SRP54: variants seen among roughly 807,000 people sequenced by gnomAD.
SRP54 encodes the protein signal recognition particle 54, also known as signal recognition particle subunit SRP54.
Under a neutral mutation model 64.8 loss-of-function variants are expected in SRP54, and 10 were observed. The observed-to-expected ratio is 0.15, with a 90% CI of 0.10 to 0.26. The LOEUF (loss-of-function observed/expected upper bound fraction) is 0.26. Among genes scored for constraint, SRP54 ranks in the 10% least tolerant of loss-of-function variants. The probability of loss-of-function intolerance (pLI) is 1.00; values close to 1 mark genes in which losing one functional copy is unlikely to be tolerated. For synonymous variants in SRP54, 193 were observed against 185.6 expected (o/e 1.04, Z -0.32); for missense variants, 325 against 613.7 (o/e 0.53, Z 4.97).
intron 14 of SRP54, among the ~76,000 whole-genome samples, chr14:35,026,542 T>A (rs1174073885): frequency 6.6e-6 from 1 of 152,180 alleles, no homozygotes; most frequent in Non-Finnish European, 1.5e-5. Flanking sequence ...GCTGCATCTC[T>A]TTCATTGACT....
intron 5 of SRP54, among the ~76,000 whole-genome samples, chr14:35,008,059 A>T (rs1279721785): frequency 1.3e-5 from 2 of 151,630 alleles, no homozygotes; most frequent in East Asian, 3.9e-4. Flanking sequence ...ATGGCTCAGG[A>T]CTCCTTTTTC....
chr14:34,999,379 G>A (rs1012307283), intron 2 of SRP54, among the ~76,000 whole-genome samples, 179 bp from the exon 3 acceptor site: 1 of 151,980 alleles, frequency 6.6e-6, no homozygotes, highest in African/African-American at 2.4e-5. Context: ...ACTAAATGGG[G>A]TCTCTTATTT....
intron 1 of SRP54, among the ~76,000 whole-genome samples, chr14:34,990,179 C>T (rs1288020022): frequency 1.3e-5 from 2 of 152,212 alleles, no homozygotes; most frequent in Non-Finnish European, 2.9e-5. Flanking sequence ...GAGCCAGGAT[C>T]AGTCCTTGTA....
chr14:35,014,284 T>TG (rs1277627223), intron 10 of SRP54, among the ~76,000 whole-genome samples: 8 of 134,980 alleles, frequency 5.9e-5, no homozygotes, highest in African/African-American at 1.1e-4. Flanking sequence ...ACTTTTTTTT[T>TG]TTTTTTTTTT....
At chr14:35,027,915 A>G (rs2044659550) in intron 14 of SRP54, 173 bp from the exon 15 acceptor site, 2 of 395,740 alleles carry the variant, frequency 5.1e-6, no homozygotes, top group Non-Finnish European at 8.9e-6. Context: ...TATGTAATTG[A>G]GAAAAAGATT....
chr14:34,996,836 C>G, intron 2 of SRP54, 49 bp downstream of exon 2: 2 of 1,299,882 alleles, frequency 1.5e-6, no homozygotes, highest in South Asian at 2.4e-5. Context: ...TTGTCACTAG[C>G]ATTGGGAAGA....
chr14:35,013,947 A>G, intron 10 of SRP54, 45 bp downstream of exon 10: 1 of 1,327,158 alleles, frequency 7.5e-7, no homozygotes, highest in Non-Finnish European at 1.1e-6. Flanking sequence ...AAGAAATACG[A>G]TGTATCTTTA....
chr14:34,993,431 A>G (rs978576658), intron 1 of SRP54: 2 of 152,218 alleles, frequency 1.3e-5, no homozygotes, highest in Non-Finnish European at 2.9e-5. Flanking sequence ...GTAATTGTAA[A>G]AAAATCTTAT....
At chr14:35,002,589 C>G (rs1008069039) in intron 4 of SRP54, among the ~76,000 whole-genome samples, 2 of 151,710 alleles carry the variant, frequency 1.3e-5, no homozygotes, top group Non-Finnish European at 2.9e-5. Flanking sequence ...TGTGCCACCA[C>G]GCCCAGCTAA....
chr14:34,999,780 A>G (rs2044140995), intron 3 of SRP54, 131 bp downstream of exon 3: 1 of 622,328 alleles, frequency 1.6e-6, no homozygotes, highest in Non-Finnish European at 2.9e-6. Context: ...GCTGTGTTGG[A>G]GCTCATATGT....
intron 13 of SRP54, 33 bp downstream of exon 13, chr14:35,019,107 ATGT>A: frequency 6.9e-7 from 1 of 1,442,316 alleles, no homozygotes. Context: ...TCAGGCAAAA[ATGT>A]TCTGAGTATC....
rs1023549571 is a variant in SRP54 at position 35,028,164 on chromosome 14, T to C, written c.1404T>C (p.Pro468=). 5.0e-6 allele frequency: 8 copies of C among 1,611,660 alleles called. No individual in the cohort carries two copies. The highest frequency in any genetic ancestry group is 6.8e-6 in the Non-Finnish European group (8 of 1,178,592). Residue 468 remains proline (P), a synonymous_variant, in exon 15 of 16, where the codon CCT becomes CCC. Coordinates refer to ENST00000216774, the MANE Select transcript of SRP54 (RefSeq NM_003136.4). ...LNQQMAKMMD[P]RVLHHMGGMA... Reference sequence around the variant, plus strand: ...AACAAATGGCCAAAATGATGGATCCTAGGGTTCTTCATCACATGGGTAAAT... The same window carrying C: ...AACAAATGGCCAAAATGATGGATCCCAGGGTTCTTCATCACATGGGTAAAT...
chr14:35,006,130 C>T (rs752716237), intron 4 of SRP54, among the ~76,000 whole-genome samples: 25 of 151,830 alleles, frequency 1.6e-4, no homozygotes, highest in African/African-American at 4.1e-4. Context: ...TGAGCCACCG[C>T]GCCCGGCCCT....
intron 4 of SRP54, 65 bp from the exon 5 acceptor site, chr14:35,007,218 G>A: frequency 8.9e-7 from 1 of 1,118,342 alleles, no homozygotes; most frequent in Non-Finnish European, 1.3e-6. Flanking sequence ...AAGTTGTGGG[G>A]AAGGGGTTTT....
intron 5 of SRP54, among the ~76,000 whole-genome samples, chr14:35,008,114 T>C (rs1454418991): frequency 1.3e-5 from 2 of 152,304 alleles, no homozygotes; most frequent in East Asian, 3.9e-4. Context: ...TGTGTATCCT[T>C]ATGCCATATT....
At chr14:35,003,558 T>C (rs1299686710) in intron 4 of SRP54, among the ~76,000 whole-genome samples, 1 of 116,452 alleles carries the variant, frequency 8.6e-6, no homozygotes, top group Non-Finnish European at 1.9e-5. Flanking sequence ...TTTTTTGTTT[T>C]TTTGGTTTTT....
intron 8 of SRP54, among the ~76,000 whole-genome samples, chr14:35,012,141 G>T (rs1164106532): frequency 6.6e-6 from 1 of 150,760 alleles, no homozygotes; most frequent in South Asian, 2.1e-4. Context: ...GCTTGAACCC[G>T]GGAGGCAGAG....
At chr14:35,026,056 A>C (rs944685451) in intron 14 of SRP54, among the ~76,000 whole-genome samples, 2 of 79,310 alleles carry the variant, frequency 2.5e-5, no homozygotes, top group African/African-American at 7.5e-5. Context: ...AGCCTGTCTC[A>C]AAAAAAAAAA....
intron 9 of SRP54, 80 bp from the exon 10 acceptor site, chr14:35,013,722 G>A (rs767609517): frequency 5.8e-5 from 75 of 1,290,826 alleles, no homozygotes; most frequent in Admixed American, 1.7e-4. Context: ...CTTTGGAGGC[G>A]GATTCACTTC....
Sources: allele counts gnomAD v4.1 joint callset (sites outside exome capture counted in the v4.1 genomes callset), GRCh38; gene constraint gnomAD v4.1.1; transcripts MANE v1.5; gene names NCBI Gene and HGNC (gene_info 2026-07-23, HGNC 2026-07-21).